The following ATF3 variants were observed in gnomAD, a reference collection of about 807,000 sequenced individuals.
The protein encoded by ATF3 is activating transcription factor 3.
A neutral mutation model predicts 18.4 loss-of-function variants in ATF3; 10 were observed. The ratio of observed to expected loss-of-function variants is 0.54; its 90% CI spans 0.34 to 0.92. The LOEUF is 0.92. Among genes scored for constraint, ATF3 ranks in the 40% least tolerant of loss-of-function variants. The pLI is 0.02. For synonymous variants in ATF3, 78 were observed against 87.9 expected (o/e 0.89, Z 0.63); for missense variants, 183 against 222.3 (o/e 0.82, Z 1.12).
At chr1:212,572,304 G>GTA (rs1664499345) in intron 1 of ATF3, among the ~76,000 whole-genome samples, 1 of 152,046 alleles carries the variant, frequency 6.6e-6, no homozygotes, top group Non-Finnish European at 1.5e-5. Flanking sequence ...ATCCCCTGAG[G>GTA]TAGGGGGTTC....
chr1:212,608,027 C>T (rs943012690), upstream of ATF3, among the ~76,000 whole-genome samples: 4 of 152,208 alleles, frequency 2.6e-5, no homozygotes, highest in African/African-American at 7.2e-5. Context: ...GCGCACGGTG[C>T]CAGCCGAGGG....
chr1:212,573,791 T>G (rs1664524710), intron 1 of ATF3, among the ~76,000 whole-genome samples: 1 of 151,980 alleles, frequency 6.6e-6, no homozygotes, highest in South Asian at 2.1e-4. Flanking sequence ...CTTCTAATTT[T>G]GATAATGTAT....
At position 212,583,639 on chromosome 1, in the gene ATF3, C is replaced by A. The variant is rs748946838; in HGVS notation, c.-5+18156C>A. Among the ~76,000 whole-genome samples, 4 of 152,198 alleles carry A rather than the reference C, an allele frequency of 2.6e-5. No homozygotes were observed. In the South Asian group the frequency reaches 8.3e-4, roughly 31 times the overall value. On this transcript the variant is annotated intron_variant, in intron 1 of 3. Coordinates refer to the ATF3 transcript ENST00000366981. Reference sequence around the variant, plus strand: ...CAGGGGCTGTGGCCCTGAAGAAACACGACCACTGTCGGAACAAAACCCTGG... The same window carrying A: ...CAGGGGCTGTGGCCCTGAAGAAACAAGACCACTGTCGGAACAAAACCCTGG...
chr1:212,585,418 T>C (rs1366664668), intron 1 of ATF3, among the ~76,000 whole-genome samples: 1 of 152,184 alleles, frequency 6.6e-6, no homozygotes, highest in Non-Finnish European at 1.5e-5. Flanking sequence ...AGCCCTCTTC[T>C]TAGGATTCTC....
At chr1:212,611,454 T>G (rs1654890303) in intron 1 of ATF3, among the ~76,000 whole-genome samples, 1 of 152,214 alleles carries the variant, frequency 6.6e-6, no homozygotes, top group Admixed American at 6.5e-5. Context: ...AGTTTTGATC[T>G]CAAATTACAG....
At chr1:212,582,601 C>T (rs757360250) in intron 1 of ATF3, among the ~76,000 whole-genome samples, 7 of 152,268 alleles carry the variant, frequency 4.6e-5, no homozygotes, top group Middle Eastern at 3.4e-3. Context: ...CTTGGGCTTC[C>T]GTCCCCTGCA....
chr1:212,585,194 G>T (rs979305809), intron 1 of ATF3, among the ~76,000 whole-genome samples: 1 of 152,224 alleles, frequency 6.6e-6, no homozygotes, highest in Non-Finnish European at 1.5e-5. Flanking sequence ...GGTGAAAGGT[G>T]AGCGGGGCTC....
Position 212,619,302 on chromosome 1 carries a change from C to T in ATF3, c.349-56C>T. 3 of 1,611,968 alleles carry T rather than the reference C, an allele frequency of 1.9e-6. No homozygotes were observed. The highest frequency in any genetic ancestry group is 1.7e-6 in the Non-Finnish European group (2 of 1,179,934). Reference sequence around the variant, plus strand: ...GCATCCAGGCAGCAGCCCAGGCCACCCCCTCCTCACTGGCCCTTGGCTCCT... The same window carrying T: ...GCATCCAGGCAGCAGCCCAGGCCACTCCCTCCTCACTGGCCCTTGGCTCCT... On this transcript the variant is annotated intron_variant, in intron 3 of 3. Coordinates refer to ENST00000341491, the MANE Select transcript of ATF3 (RefSeq NM_001674.4). This position sits in a 1 kb window ranked among gnomAD's most constrained non-coding sequence, Gnocchi z 4.4.
At chr1:212,614,542 AAG>A (rs1200922461) in intron 1 of ATF3, among the ~76,000 whole-genome samples, 5 of 151,404 alleles carry the variant, frequency 3.3e-5, no homozygotes, top group African/African-American at 1.2e-4. Flanking sequence ...CTCTTTGAAA[AAG>A]AGGCTTTTTT....
At chr1:212,606,509 T>C (rs982009535), upstream of ATF3, among the ~76,000 whole-genome samples, 4 of 152,232 alleles carry the variant, frequency 2.6e-5, no homozygotes, top group African/African-American at 4.8e-5. Flanking sequence ...CATTGTTTTG[T>C]GGAGGACGGT....
chr1:212,595,554 G>A (rs541037033), intron 1 of ATF3, among the ~76,000 whole-genome samples: 1 of 152,344 alleles, frequency 6.6e-6, no homozygotes, highest in African/African-American at 2.4e-5. Context: ...CCGGAAATGT[G>A]CGGGGAGTGG....
chr1:212,594,222 G>A (rs1017316958), intron 1 of ATF3, among the ~76,000 whole-genome samples: 3 of 152,196 alleles, frequency 2.0e-5, no homozygotes, highest in East Asian at 1.9e-4. Flanking sequence ...CTGGGGAAAT[G>A]ATGCATGAGG....
At chr1:212,595,440 C>G (rs576564947) in intron 1 of ATF3, among the ~76,000 whole-genome samples, 1 of 152,354 alleles carries the variant, frequency 6.6e-6, no homozygotes, top group Non-Finnish European at 1.5e-5. Context: ...CAGCCCGGTG[C>G]TCCCGCAGCT....
At chr1:212,609,419 G>A (rs1654797619) in intron 1 of ATF3, among the ~76,000 whole-genome samples, 1 of 151,932 alleles carries the variant, frequency 6.6e-6, no homozygotes, top group Non-Finnish European at 1.5e-5. Context: ...GGAGGCTTGC[G>A]GGAGGGCTGC....
chr1:212,576,748 G>C (rs1664588073), intron 1 of ATF3, among the ~76,000 whole-genome samples: 1 of 31,550 alleles, frequency 3.2e-5, no homozygotes, highest in Non-Finnish European at 7.4e-5. Flanking sequence ...TTTTTTTTGA[G>C]GCAGAGTCTC....
chr1:212,566,481 A>G (rs919572858), intron 1 of ATF3, among the ~76,000 whole-genome samples: 7 of 152,160 alleles, frequency 4.6e-5, no homozygotes, highest in African/African-American at 1.4e-4. Context: ...CACAATGTGG[A>G]TGTAAAGCAA....
intron 1 of ATF3, among the ~76,000 whole-genome samples, chr1:212,570,100 A>G (rs114096972): frequency 0.011 from 1,677 of 150,888 alleles, 35 homozygotes; most frequent in African/African-American, 0.039. Context: ...ATGTTTTATA[A>G]TATGTAAAAT....
rs1267280297 is a variant in ATF3, at chr1:212,618,436, A to G, written c.348+202A>G. On this transcript the variant is annotated intron_variant, in intron 3 of 3. Coordinates refer to ENST00000341491, the MANE Select transcript of ATF3 (RefSeq NM_001674.4). This position sits in a 1 kb window ranked among gnomAD's most constrained non-coding sequence, Gnocchi z 4.4. ...ACAATGGATGTGACGGTGGATGTAT[A>G]AAAACAGGTGTGTGAATTCGTCTGA... The G allele has an allele frequency of 6.4e-6, 4 of 622,760 alleles. No individual in the cohort carries two copies. The highest frequency in any genetic ancestry group is 1.8e-5 in the African/African-American group (1 of 54,586). The allele number at this position is 622,760 out of a possible 1,614,324, so 38.6% of individuals were successfully genotyped here.
At chr1:212,570,241 C>T (rs879705013) in intron 1 of ATF3, among the ~76,000 whole-genome samples, 24 of 151,960 alleles carry the variant, frequency 1.6e-4, no homozygotes, top group Admixed American at 3.3e-4. Context: ...TTAAAGCAAT[C>T]GAATCTGTCA....
Sources: allele counts gnomAD v4.1 joint callset (sites outside exome capture counted in the v4.1 genomes callset), GRCh38; gene constraint gnomAD v4.1.1; non-coding constraint Gnocchi (gnomAD v3.1); transcripts MANE v1.5; gene names NCBI Gene and HGNC (gene_info 2026-07-23, HGNC 2026-07-21).